The following LTK variants were observed in gnomAD, a reference collection of about 807,000 sequenced individuals.
LTK encodes the protein leukocyte receptor tyrosine kinase.
In LTK, 117 loss-of-function variants were observed where a neutral mutation model predicts 101.5. That is an observed-to-expected ratio of 1.15 (90% CI 0.99 to 1.34). LTK has a LOEUF of 1.34. Ranked by LOEUF, LTK falls within the 40% of genes most tolerant of loss-of-function variation. The pLI is 0.00. For missense variants in LTK, 1,252 were observed against 1,164.7 expected, an observed-to-expected ratio of 1.07 and a Z score of -1.09; for synonymous variants, 563 against 494.2, an observed-to-expected ratio of 1.14 and a Z score of -1.85.
At chr15:41,508,791 C>A (rs1461611926) in intron 8 of LTK, among the ~76,000 whole-genome samples, 1 of 152,136 alleles carries the variant, frequency 6.6e-6, no homozygotes, top group Non-Finnish European at 1.5e-5. Context: ...GCATTGCCAT[C>A]CAGCACGACT....
chr15:41,505,096 A>G (rs373032287), intron 15 of LTK, 32 bp from the exon 16 acceptor site: 8 of 1,592,894 alleles, frequency 5.0e-6, no homozygotes, highest in Non-Finnish European at 6.9e-6. Flanking sequence ...TCACTGCCAG[A>G]ATCTAGAAGT....
At chr15:41,510,253 G>A (rs980898323) in intron 7 of LTK, among the ~76,000 whole-genome samples, 5 of 151,908 alleles carry the variant, frequency 3.3e-5, no homozygotes, top group Non-Finnish European at 5.9e-5. Flanking sequence ...AGATCCACCC[G>A]CCTCCGCCGC....
At chr15:41,508,014 C>A in intron 9 of LTK, 55 bp downstream of exon 9, 1 of 1,523,548 alleles carries the variant, frequency 6.6e-7, no homozygotes, top group East Asian at 2.3e-5. Context: ...TGGCCTACTG[C>A]TCCTCCCAGT....
rs925833492 is a variant in LTK, at chr15:41,504,588, G to A, written c.2173C>T (p.Pro725Ser). 6.2e-7 allele frequency: 1 copy of A among 1,613,784 alleles called. No homozygotes were observed. The highest frequency in any genetic ancestry group is 8.5e-7 in the Non-Finnish European group (1 of 1,180,008). Reference sequence around the variant, plus strand: ...AGCACCTCCTGGTTGGTGCGCCCAGGATAGGGCATGTAGCCCAGTGAGAAG... The same window carrying A: ...AGCACCTCCTGGTTGGTGCGCCCAGAATAGGGCATGTAGCCCAGTGAGAAG... ...EIFSLGYMPY[P>S]GRTNQEVLDF... The change falls in exon 18 of 20, where the codon CCT (proline) becomes TCT (serine). Residue 725 changes from proline to serine, a missense_variant. Physicochemically the swap from Pro to Ser is moderately conservative, Grantham distance 74. Transcript: ENST00000263800.
chr15:41,505,670 T>C (rs2051253079), intron 13 of LTK, 43 bp downstream of exon 13: 2 of 1,611,344 alleles, frequency 1.2e-6, no homozygotes, highest in Admixed American at 3.3e-5. Flanking sequence ...TTCCCGGGCA[T>C]TCCCCTCCCG....
In LTK at chr15:41,511,498, G is replaced by A; in HGVS notation, c.738C>T (p.Gly246=). 6.8e-7 allele frequency: 1 copy of A among 1,476,902 alleles called. No homozygotes were observed. Among genetic ancestry groups the A allele is most frequent in the Non-Finnish European group, 8.9e-7 (1 of 1,123,920 alleles). 91.5% of individuals were successfully genotyped at this position (1,476,902 alleles called of 1,614,324 possible). A position where few individuals can be genotyped will look rare whatever the true frequency, so the allele number is the denominator to read the frequency against. Residue 246 remains glycine, a synonymous_variant, in exon 6 of 20, where the codon GGC becomes GGT. Transcript: ENST00000263800. The surrounding 1 kb of genome is among the most constrained non-coding windows in gnomAD (Gnocchi z 5.9). ...GRAYLRPRDR[G]RTQASPEKLE... is the part of the protein sequence containing the mutation. ...GTTTCTCGGGGGAGGCCTGAGTCCGGCCTCGGTCCCGCGGCCTCAGGTAGG... is the reference window on the plus strand; with the variant it reads ...GTTTCTCGGGGGAGGCCTGAGTCCGACCTCGGTCCCGCGGCCTCAGGTAGG...
chr15:41,504,688 C>G, intron 17 of LTK, 48 bp from the exon 18 acceptor site: 1 of 1,606,316 alleles, frequency 6.2e-7, no homozygotes, highest in Non-Finnish European at 8.5e-7. Context: ...GGTGTAGCCT[C>G]CCCTCACATG....
At chr15:41,512,387 C>A (rs2051511389) in intron 3 of LTK, 122 bp from the exon 4 acceptor site, 1 of 1,003,050 alleles carries the variant, frequency 1.0e-6, no homozygotes, top group Non-Finnish European at 1.4e-6. Flanking sequence ...AGGCTGCAAT[C>A]GACTCTGACG....
chr15:41,507,458 C>A (rs542488396), intron 10 of LTK, 104 bp downstream of exon 10: 2 of 1,553,148 alleles, frequency 1.3e-6, no homozygotes, highest in Non-Finnish European at 1.7e-6. Flanking sequence ...GGCTCTGCTG[C>A]GGTGAGTGGT....
chr15:41,512,027 C>T (rs946710177), intron 4 of LTK, 64 bp from the exon 5 acceptor site: 138 of 1,467,832 alleles, frequency 9.4e-5, no homozygotes, highest in Non-Finnish European at 1.2e-4. Context: ...GCTGGTGACC[C>T]GGCACCGAGG....
rs1595463199 is a variant in LTK, at chr15:41,508,093, C to G, written c.1225G>C (p.Ala409Pro). ...CCCATGCAGGTGACGTTATCCACAG[C>G]TAGCTCCATGCCTTCTGGGCACAGG... Reference protein sequence around the residue: ...ECLCPEGMELAVDNVTCMDLH... With the variant: ...ECLCPEGMELPVDNVTCMDLH... The change falls in exon 9 of 20, where the codon GCT (alanine) becomes CCT (proline). Residue 409 changes from alanine (A) to proline (P), a missense_variant. Coordinates refer to ENST00000263800, the MANE Select transcript of LTK (RefSeq NM_002344.6). 1 of 1,611,110 alleles carries G rather than the reference C, an allele frequency of 6.2e-7. No individual in the cohort carries two copies. Among genetic ancestry groups the G allele is most frequent in the African/African-American group, 1.3e-5 (1 of 75,018 alleles).
At position 41,512,239 on chromosome 15, in the gene LTK, C is replaced by A; in HGVS notation, c.386G>T (p.Gly129Val). 4.3e-6 allele frequency: 7 copies of A among 1,612,620 alleles called. No homozygotes were observed. Among genetic ancestry groups the A allele is most frequent in the Non-Finnish European group, 5.9e-6 (7 of 1,179,704 alleles). The change falls in exon 4 of 20, where the codon GGC becomes GTC. Residue 129 changes from glycine (G) to valine (V), a missense_variant. By Grantham distance (109) the Gly-to-Val change is moderately radical (BLOSUM62 -3). Coordinates refer to ENST00000263800, the MANE Select transcript of LTK (RefSeq NM_002344.6). ...CGACAGGTGGTTCTTGGCGCCTTTG[C>A]CGCCCGCGGCTCCGTAGGCTGAGAT... is the stretch of plus-strand genomic sequence containing the variant. ...YLISAYGAAG[G>V]KGAKNHLSRA... is the part of the protein sequence containing the mutation.
At chr15:41,507,017 T>C (rs574594968) in intron 11 of LTK, 78 bp downstream of exon 11, 7 of 1,422,454 alleles carry the variant, frequency 4.9e-6, no homozygotes, top group African/African-American at 2.9e-5. Context: ...CTGGGACTTA[T>C]AATTCACTAC....
At chr15:41,507,366 C>A in intron 10 of LTK, 76 bp from the exon 11 acceptor site, 1 of 1,473,542 alleles carries the variant, frequency 6.8e-7, no homozygotes, top group South Asian at 1.3e-5. Flanking sequence ...CAGGACACCC[C>A]TCCAGATGCT....
intron 19 of LTK, 30 bp from the exon 20 acceptor site, chr15:41,504,274 G>C: frequency 6.2e-7 from 1 of 1,608,514 alleles, no homozygotes; most frequent in Non-Finnish European, 8.5e-7. Context: ...GAGCAGGGGG[G>C]CATAGAGTTT....
At position 41,510,975 on chromosome 15, in the gene LTK, T is replaced by C. The variant is rs574348258; in HGVS notation, c.997+189A>G. ...GATTAAACGGAAATCTAGGGAGTCC[T>C]GTCTGCATGCTGATTTGCAGTGTAT... On this transcript the variant is annotated intron_variant, in intron 7 of 19. Transcript: ENST00000263800. 2.6e-5 allele frequency among the ~76,000 whole-genome samples: 4 copies of C among 152,350 alleles called. No homozygotes were observed. The East Asian group carries it at 7.7e-4, about 29-fold the overall frequency.
At chr15:41,513,368 A>G (rs2051557269) in intron 1 of LTK, among the ~76,000 whole-genome samples, 1 of 152,126 alleles carries the variant, frequency 6.6e-6, no homozygotes, top group Non-Finnish European at 1.5e-5. Context: ...GCCGCAATGA[A>G]TTTGGTCCTG....
chr15:41,508,756 A>T (rs1335188627), intron 8 of LTK, among the ~76,000 whole-genome samples: 1 of 152,162 alleles, frequency 6.6e-6, no homozygotes, highest in Non-Finnish European at 1.5e-5. Flanking sequence ...GCAAGGGGGT[A>T]CTTGAAAAGC....
At chr15:41,508,001 C>T in intron 9 of LTK, 68 bp downstream of exon 9, 2 of 1,485,488 alleles carry the variant, frequency 1.3e-6, no homozygotes, top group Non-Finnish European at 9.0e-7. Context: ...CCATCTTTCC[C>T]AGTGGCCTAC....
Sources: gnomAD v4.1 joint callset for allele counts (sites outside exome capture counted in the v4.1 genomes callset) on GRCh38, gnomAD v4.1.1 for gene constraint, Gnocchi (gnomAD v3.1) non-coding constraint, MANE v1.5 for transcripts, NCBI Gene and HGNC (gene_info 2026-07-23, HGNC 2026-07-21) for gene names.